PLTP: variants seen among roughly 807,000 people sequenced by gnomAD.
The protein encoded by PLTP is phospholipid transfer protein, also known as BPI fold containing family E.
PLTP carries 43 observed loss-of-function variants against 54.1 expected under a neutral mutation model. The ratio of observed to expected loss-of-function variants is 0.79; its 90% CI spans 0.62 to 1.02. The LOEUF (loss-of-function observed/expected upper bound fraction) is 1.02. PLTP is among the 50% of genes least tolerant of loss of function. PLTP has a pLI of 0.00. For synonymous variants in PLTP, 263 were observed against 264.6 expected (o/e 0.99, Z 0.06); for missense variants, 604 against 645.9 (o/e 0.94, Z 0.70).
chr20:45,899,898 C>T lies in PLTP; in HGVS notation c.1176-20G>A, dbSNP rs1440405285. 6.6e-7 allele frequency: 1 copy of T among 1,518,646 alleles called. No homozygotes were observed. Among genetic ancestry groups the T allele is most frequent in the Admixed American group, 2.0e-5 (1 of 48,852 alleles). The allele number at this position is 1,518,646 out of a possible 1,614,324, so 94.1% of individuals were successfully genotyped here. ...CGGAACCTGCGGGAAAGAAAGGAGC[C>T]CTGTGGGCAGGAAGCCTGGAAGCTC... is the stretch of plus-strand genomic sequence containing the variant. On this transcript the variant is annotated intron_variant, in intron 12 of 15. Coordinates refer to ENST00000372431, the MANE Select transcript of PLTP (RefSeq NM_006227.4).
intron 1 of PLTP, 187 bp from the exon 2 acceptor site, chr20:45,911,650 G>T: frequency 1.3e-6 from 1 of 742,058 alleles, no homozygotes; most frequent in Non-Finnish European, 2.2e-6. Flanking sequence ...GATGCGACTT[G>T]CGTTCTGGCT....
chr20:45,902,115 A>C, intron 12 of PLTP, 152 bp downstream of exon 12: 1 of 817,910 alleles, frequency 1.2e-6, no homozygotes, highest in Admixed American at 2.0e-5. Flanking sequence ...CAGAGGAGTC[A>C]GACTTTACCA....
intron 8 of PLTP, 102 bp from the exon 9 acceptor site, chr20:45,905,220 G>T: frequency 9.9e-7 from 1 of 1,006,320 alleles, no homozygotes; most frequent in Non-Finnish European, 1.5e-6. Context: ...TGGGGGGATG[G>T]TGGGAACCCA....
At chr20:45,903,899 G>C (rs2083210887) in intron 10 of PLTP, among the ~76,000 whole-genome samples, 1 of 150,314 alleles carries the variant, frequency 6.7e-6, no homozygotes, top group Admixed American at 6.6e-5. Context: ...GTGTCTCACT[G>C]TGTTGCCCAG....
chr20:45,903,765 G>A (rs1381677083), intron 10 of PLTP, among the ~76,000 whole-genome samples: 2 of 152,014 alleles, frequency 1.3e-5, no homozygotes, highest in African/African-American at 2.4e-5. Flanking sequence ...GCTTGAACCC[G>A]GGAGGTTCAA....
rs1353540801 is a variant in PLTP at position 45,905,099 on chromosome 20, G to A, written c.725C>T (p.Thr242Ile). Residue 242 changes from threonine (T) to isoleucine (I), a missense_variant, in exon 9 of 16, where the codon ACT becomes ATT. Physicochemically the swap from Thr to Ile is moderately conservative, Grantham distance 89. Coordinates refer to ENST00000372431, the MANE Select transcript of PLTP (RefSeq NM_006227.4). Reference protein sequence around the residue: ...MDFRGAFFPLTERNWSLPNRA... With the variant: ...MDFRGAFFPLIERNWSLPNRA... ...GTTGGGGAGGCTCCAGTTCCTCTCAGTCAGGGGGAAGAAGGCCCCCTGGGG... is the reference window on the plus strand; with the variant it reads ...GTTGGGGAGGCTCCAGTTCCTCTCAATCAGGGGGAAGAAGGCCCCCTGGGG... The A allele has an allele frequency of 2.5e-6, 4 of 1,614,160 alleles. No homozygotes were observed. In the African/African-American group the frequency reaches 5.3e-5, roughly 22 times the overall value.
chr20:45,910,616 GA>G (rs546481587), intron 3 of PLTP, among the ~76,000 whole-genome samples: 2,199 of 102,356 alleles, frequency 0.021, 23 homozygotes, highest in East Asian at 0.069. Flanking sequence ...CTCCCTCTCA[GA>G]AAAAAAAAAA....
chr20:45,910,958 G>A (rs956009575), intron 3 of PLTP, 194 bp downstream of exon 3: 1 of 1,465,512 alleles, frequency 6.8e-7, no homozygotes, highest in Admixed American at 2.4e-5. Flanking sequence ...ACGCCCATCT[G>A]CCTGGTCCCG....
chr20:45,899,590 T>C (rs750203253), intron 14 of PLTP, 32 bp downstream of exon 14: 3 of 1,613,958 alleles, frequency 1.9e-6, no homozygotes, highest in Non-Finnish European at 1.7e-6. Context: ...TCACCCCTCC[T>C]TTCTTCCTCC....
Position 45,909,965 on chromosome 20 carries a change from C to A in PLTP, c.306G>T (p.Arg102=), listed in dbSNP as rs775863549. The A allele has an allele frequency of 5.6e-6, 9 of 1,613,998 alleles. No homozygotes were observed. Among genetic ancestry groups the A allele is most frequent in the South Asian group, 1.1e-5 (1 of 91,074 alleles). ...ITNASLGLRF[R]RQLLYWFFYD... ...ACAAGAACCAGTAGAGCAGCTGTCTCCGGAAGCGCAGCCCCAAGGAGGCAT... is the reference window on the plus strand; with the variant it reads ...ACAAGAACCAGTAGAGCAGCTGTCTACGGAAGCGCAGCCCCAAGGAGGCAT... The change falls in exon 4 of 16, where the codon CGG becomes CGT. Residue 102 remains arginine (R), a synonymous_variant. Coordinates refer to ENST00000372431, the MANE Select transcript of PLTP (RefSeq NM_006227.4).
chr20:45,910,820 C>A, intron 3 of PLTP: 2 of 1,240,796 alleles, frequency 1.6e-6, no homozygotes, highest in Admixed American at 3.5e-5. Context: ...ATTAACTCCA[C>A]CCCGTGCCCG....
At chr20:45,908,687 A>T (rs1036694160) in intron 5 of PLTP, among the ~76,000 whole-genome samples, 5 of 152,048 alleles carry the variant, frequency 3.3e-5, no homozygotes, top group African/African-American at 1.2e-4. Context: ...CTGTAGTCCC[A>T]GCTACTTGGG....
At chr20:45,906,688 G>A (rs529546174) in intron 7 of PLTP, among the ~76,000 whole-genome samples, 36 of 151,864 alleles carry the variant, frequency 2.4e-4, no homozygotes, top group African/African-American at 8.0e-4. Flanking sequence ...TCAGGTGTTC[G>A]AGACCAGCCT....
Position 45,911,482 on chromosome 20 carries a change from C to T in PLTP, c.-11-19G>A, listed in dbSNP as rs761229997. 1.2e-6 allele frequency: 2 copies of T among 1,600,138 alleles called. No individual in the cohort carries two copies. Among genetic ancestry groups the T allele is most frequent in the East Asian group, 2.2e-5 (1 of 44,874 alleles). On this transcript the variant is annotated intron_variant, in intron 1 of 15. Transcript: ENST00000372431. Reference sequence around the variant, plus strand: ...AGCGGGCCTGGGGGTGGGGTGGGGTCGCAGGAGTTATCTGAGCCGCTTAAA... The same window carrying T: ...AGCGGGCCTGGGGGTGGGGTGGGGTTGCAGGAGTTATCTGAGCCGCTTAAA...
chr20:45,907,762 G>A lies in PLTP; in HGVS notation c.550-7C>T, dbSNP rs768430721. 1.2e-6 allele frequency: 2 copies of A among 1,613,298 alleles called. No individual in the cohort carries two copies. The highest frequency in any genetic ancestry group is 1.7e-5 in the Admixed American group (1 of 59,890). On this transcript the variant is annotated splice_region_variant and splice_polypyrimidine_tract_variant and intron_variant, in intron 6 of 15. Coordinates refer to ENST00000372431, the MANE Select transcript of PLTP (RefSeq NM_006227.4). ...GGTAGAGGACAGGGCAGATCTGCGA[G>A]GTGGGAGCCAGAGTCAGGGCCTTCT...
intron 8 of PLTP, 31 bp downstream of exon 8, chr20:45,906,237 C>CA (rs1445914804): frequency 1.3e-6 from 2 of 1,489,284 alleles, no homozygotes; most frequent in Admixed American, 1.7e-5. Context: ...GTTAGGAAGT[C>CA]AGAGGTCATA....
intron 8 of PLTP, among the ~76,000 whole-genome samples, chr20:45,906,012 G>A (rs6065904): frequency 0.24 from 36,025 of 152,124 alleles, 4,476 homozygotes; most frequent in East Asian, 0.33. Context: ...TGGGAAGCCA[G>A]GGTCCAATTT....
chr20:45,903,630 T>C (rs2083208248), intron 10 of PLTP, among the ~76,000 whole-genome samples: 1 of 152,236 alleles, frequency 6.6e-6, no homozygotes, highest in South Asian at 2.1e-4. Flanking sequence ...TTCTAAACAC[T>C]GTATATGTGT....
chr20:45,899,807 G>GGGGCCC, intron 13 of PLTP, 29 bp downstream of exon 13: 15 of 1,369,442 alleles, frequency 1.1e-5, no homozygotes, highest in African/African-American at 1.5e-5. Flanking sequence ...CACGAACCCA[G>GGGGCCC]CCCAGCCCAC....
Sources: gnomAD v4.1 joint callset for allele counts (sites outside exome capture counted in the v4.1 genomes callset) on GRCh38, gnomAD v4.1.1 for gene constraint, MANE v1.5 for transcripts, NCBI Gene and HGNC (gene_info 2026-07-23, HGNC 2026-07-21) for gene names.